COL17A1: variants seen among roughly 807,000 people sequenced by gnomAD.
The protein encoded by COL17A1 is collagen type XVII alpha 1 chain.
Under a neutral mutation model 218.4 loss-of-function variants are expected in COL17A1, and 181 were observed. The ratio of observed to expected loss-of-function variants is 0.83; its 90% confidence interval spans 0.73 to 0.94. The LOEUF (loss-of-function observed/expected upper bound fraction) is 0.94. Ranked by LOEUF, COL17A1 falls within the 40% of genes least tolerant of loss-of-function variation. The probability of loss-of-function intolerance (pLI) is 0.00; values close to 1 mark genes in which losing one functional copy is unlikely to be tolerated. For synonymous variants in COL17A1, 721 were observed against 731.0 expected (o/e 0.99, Z 0.22); for missense variants, 1,924 against 1,945.9 (o/e 0.99, Z 0.21).
chr10:104,037,193 C>G, intron 46 of COL17A1, 80 bp from the exon 47 acceptor site: 3 of 1,314,648 alleles, frequency 2.3e-6, no homozygotes, highest in Non-Finnish European at 3.2e-6. Context: ...CTGAAAGGCC[C>G]GGTCACCGAG....
At chr10:104,032,370 C>T (rs1186238061) in intron 55 of COL17A1, 80 bp from the exon 56 acceptor site, 33 of 1,174,146 alleles carry the variant, frequency 2.8e-5, no homozygotes, top group South Asian at 2.6e-4. Context: ...TTATGGCAAC[C>T]GTGACTACTG....
intron 23 of COL17A1, among the ~76,000 whole-genome samples, chr10:104,052,528 G>A (rs2086479715): frequency 6.6e-6 from 1 of 152,152 alleles, no homozygotes; most frequent in Admixed American, 6.5e-5. Flanking sequence ...AGGACTTCTG[G>A]TATCTGTCTT....
At chr10:104,052,337 G>T in intron 23 of COL17A1, 120 bp from the exon 24 acceptor site, 3 of 1,329,434 alleles carry the variant, frequency 2.3e-6, no homozygotes, top group Non-Finnish European at 3.2e-6. Context: ...GATCCATTTG[G>T]TGCCCCAGTG....
rs778016241 is a variant in COL17A1, at chr10:104,034,575, A to T, written c.3766+46T>A. On this transcript the variant is annotated intron_variant, in intron 51 of 55. Transcript: ENST00000648076. ...CCCTGCCCCACTTACAGGGAAAAGC[A>T]AGGCCTGCGGGGTGCCTGGTGGGGC... The T allele has an allele frequency of 3.8e-6, 6 of 1,595,252 alleles. No homozygotes were observed. The East Asian group carries it at 1.1e-4, about 30-fold the overall frequency.
intron 31 of COL17A1, among the ~76,000 whole-genome samples, chr10:104,047,165 C>T (rs2086419524): frequency 6.6e-6 from 1 of 152,110 alleles, no homozygotes; most frequent in Non-Finnish European, 1.5e-5. Flanking sequence ...TCTCAGAGGC[C>T]CCCGATGAAT....
In COL17A1 at chr10:104,074,206, C is replaced by G; in HGVS notation, c.357G>C (p.Pro119=). 1 of 1,614,148 alleles carries G rather than the reference C, an allele frequency of 6.2e-7. No individual in the cohort carries two copies. Among genetic ancestry groups the G allele is most frequent in the Non-Finnish European group, 8.5e-7 (1 of 1,180,018 alleles). Residue 119 remains proline, a synonymous_variant, in exon 6 of 56, where the codon CCG becomes CCC. Transcript: ENST00000648076. ...TACCAAATTCCTTCCGAGGGTACTC[C>G]GGAGAAGAGTTGCCACTGGAGCTCC... The part of the protein sequence containing the change: ...YEGSSSGNSS[P]EYPRKEFASS...
At chr10:104,063,530 A>G (rs796370399) in intron 11 of COL17A1, 37 of 672,348 alleles carry the variant, frequency 5.5e-5, no homozygotes, top group African/African-American at 5.2e-4. Flanking sequence ...CCACCTTAGA[A>G]TACGCACGTC....
intron 1 of COL17A1, among the ~76,000 whole-genome samples, chr10:104,082,644 C>T (rs1820529278): frequency 6.6e-6 from 1 of 152,210 alleles, no homozygotes; most frequent in African/African-American, 2.4e-5. Flanking sequence ...TTGCTGCTGA[C>T]AGCTATACAT....
rs576552107 is a variant in COL17A1, at chr10:104,070,433, G to A, written c.600C>T (p.Ser200=). The A allele has an allele frequency of 1.9e-6, 3 of 1,613,632 alleles. No homozygotes were observed. The highest frequency in any genetic ancestry group is 1.7e-5 in the Admixed American group (1 of 60,028). ...TVETKIVTAS[S]QSVSGTYDAT... is the part of the protein sequence containing the mutation. ...CTGGGCTGTCAGACTTACCCGACTG[G>A]GAGCTCGCTGTCACAATTTTGGTCT... The change falls in exon 9 of 56, where the codon TCC becomes TCT. Residue 200 remains serine, a synonymous_variant. Coordinates refer to ENST00000648076, the MANE Select transcript of COL17A1 (RefSeq NM_000494.4).
At chr10:104,051,579 C>A in intron 24 of COL17A1, 63 bp from the exon 25 acceptor site, 3 of 1,600,954 alleles carry the variant, frequency 1.9e-6, no homozygotes, top group South Asian at 1.1e-5. Flanking sequence ...CATCTGGCCC[C>A]GGTGCAGGGC....
At position 104,032,273 on chromosome 10, in the gene COL17A1, C is replaced by T. The variant is rs1436100938; in HGVS notation, c.4456G>A (p.Gly1486Arg). The change falls in exon 56 of 56, where the codon GGG becomes AGG. Residue 1486 changes from glycine (G) to arginine (R), a missense_variant. By Grantham distance (125) the Gly-to-Arg change is moderately radical (BLOSUM62 -2). Coordinates refer to ENST00000648076, the MANE Select transcript of COL17A1 (RefSeq NM_000494.4). Reference sequence around the variant, plus strand: ...GCAATACTTCTTCTCCTTCTCCGCCCAGCATAGACTTGGTCACCTGAAAGT... The same window carrying T: ...GCAATACTTCTTCTCCTTCTCCGCCTAGCATAGACTTGGTCACCTGAAAGT... The part of the protein sequence containing the change: ...KGDKGDQVYA[G>R]RRRRRSIAVK... The T allele has an allele frequency of 3.1e-6, 5 of 1,614,060 alleles. No homozygotes were observed. The highest frequency in any genetic ancestry group is 4.2e-6 in the Non-Finnish European group (5 of 1,179,912).
At chr10:104,073,076 T>C (rs1469454180) in intron 7 of COL17A1, 134 bp downstream of exon 7, 3 of 836,286 alleles carry the variant, frequency 3.6e-6, no homozygotes, top group Non-Finnish European at 6.2e-6. Context: ...TACTCTAAGC[T>C]CCTCGAAAGC....
intron 9 of COL17A1, among the ~76,000 whole-genome samples, chr10:104,069,132 G>C (rs1367510716): frequency 6.6e-6 from 1 of 152,136 alleles, no homozygotes; most frequent in Non-Finnish European, 1.5e-5. Context: ...GACTACCAGA[G>C]GAAGACCTCC....
In COL17A1 at chr10:104,050,912, G is replaced by C; in HGVS notation, c.2039-11C>G. ...GGAGACCTACAGGACCTGCCCGGCA[G>C]AAGAAACCATGCACACAGATGAGTA... is the stretch of plus-strand genomic sequence containing the variant. On this transcript the variant is annotated splice_polypyrimidine_tract_variant and intron_variant, in intron 25 of 55. Coordinates refer to ENST00000648076, the MANE Select transcript of COL17A1 (RefSeq NM_000494.4). 6.2e-7 allele frequency: 1 copy of C among 1,614,186 alleles called. No individual in the cohort carries two copies. Among genetic ancestry groups the C allele is most frequent in the East Asian group, 2.2e-5 (1 of 44,886 alleles).
At chr10:104,033,065 G>A (rs1844710280) in intron 53 of COL17A1, 97 bp from the exon 54 acceptor site, 1 of 1,534,648 alleles carries the variant, frequency 6.5e-7, no homozygotes, top group Admixed American at 1.9e-5. Flanking sequence ...AGATAGTGAT[G>A]GAGTTTGGAC....
chr10:104,079,389 A>G (rs2086742653), intron 2 of COL17A1, among the ~76,000 whole-genome samples: 1 of 150,618 alleles, frequency 6.6e-6, no homozygotes, highest in African/African-American at 2.4e-5. Flanking sequence ...GTGTGCATGT[A>G]TGTGTGTGTG....
Position 104,036,615 on chromosome 10 carries a change from A to ACTGACGCACGTC in COL17A1, c.3283_3294dup (p.Asp1095_Gln1098dup). The ACTGACGCACGTC allele has an allele frequency of 6.2e-7, 1 of 1,613,916 alleles. No individual in the cohort carries two copies. Among genetic ancestry groups the ACTGACGCACGTC allele is most frequent in the Non-Finnish European group, 8.5e-7 (1 of 1,179,898 alleles). On this transcript the variant is annotated inframe_insertion, in exon 48 of 56. Transcript: ENST00000648076. ...GGGCCCATCAAGTACTGACGTAGGT[A>ACTGACGCACGTC]CTGACGCACGTCATCCCCTGGAGAG...
At chr10:104,037,275 A>G (rs1165080696) in intron 46 of COL17A1, among the ~76,000 whole-genome samples, 162 bp from the exon 47 acceptor site, 2 of 130,968 alleles carry the variant, frequency 1.5e-5, no homozygotes, top group African/African-American at 5.4e-5. Flanking sequence ...AAAGTCAAAT[A>G]CTGTTGTTGG....
At chr10:104,066,891 G>C (rs1025457075) in intron 9 of COL17A1, among the ~76,000 whole-genome samples, 16 of 152,252 alleles carry the variant, frequency 1.1e-4, no homozygotes, top group African/African-American at 3.6e-4. Flanking sequence ...AGTTGGATAT[G>C]TAAGTGTGCC....
Sources: allele counts gnomAD v4.1 joint callset (sites outside exome capture counted in the v4.1 genomes callset), GRCh38; gene constraint gnomAD v4.1.1; transcripts MANE v1.5; gene names NCBI Gene and HGNC (gene_info 2026-07-23, HGNC 2026-07-21).